INPP5A: variants seen among roughly 807,000 people sequenced by gnomAD.
The protein encoded by INPP5A is 43 kDa inositol polyphosphate 5-phophatase.
Under a neutral mutation model 65.2 loss-of-function variants are expected in INPP5A, and 14 were observed. The observed-to-expected ratio is 0.21, with a 90% CI of 0.14 to 0.34. INPP5A has a LOEUF of 0.34. INPP5A is among the 10% of genes least tolerant of loss of function. The pLI is 1.00. For missense variants in INPP5A, 431 were observed against 545.6 expected (o/e 0.79, Z 2.09); for synonymous variants, 207 against 208.3 (o/e 0.99, Z 0.05).
intron 1 of INPP5A, among the ~76,000 whole-genome samples, chr10:132,541,602 T>C (rs534274912): frequency 2.3e-4 from 35 of 152,326 alleles, no homozygotes; most frequent in Admixed American, 2.0e-3. Flanking sequence ...TATTGGGAGC[T>C]GAGACTGCAT....
chr10:132,775,968 G>A (rs895236121), intron 12 of INPP5A, among the ~76,000 whole-genome samples: 8 of 152,094 alleles, frequency 5.3e-5, no homozygotes, highest in Admixed American at 2.6e-4. Context: ...TGTGTCCGGG[G>A]GGCAGTGGAC....
At chr10:132,680,901 C>G (rs951471106) in intron 4 of INPP5A, among the ~76,000 whole-genome samples, 7 of 152,246 alleles carry the variant, frequency 4.6e-5, no homozygotes, top group Non-Finnish European at 1.0e-4. Context: ...GGGCAGGGCT[C>G]GGGACCTGCA....
intron 4 of INPP5A, among the ~76,000 whole-genome samples, chr10:132,687,268 CTG>C (rs1845151762): frequency 6.6e-6 from 1 of 152,236 alleles, no homozygotes; most frequent in South Asian, 2.1e-4. Context: ...TTAAGACCTG[CTG>C]TAAAGGTGGC....
chr10:132,651,457 C>T lies in INPP5A; in HGVS notation c.306+952C>T, dbSNP rs2072575538. Among the ~76,000 whole-genome samples the T allele has an allele frequency of 6.8e-6, 1 of 146,138 alleles. No homozygotes were observed. The highest frequency in any genetic ancestry group is 1.5e-5 in the Non-Finnish European group (1 of 65,888). ...CCGTCTCTGGGGAGGCCCTGGGTCC[C>T]CCGGCTTGGGTCCATCTCCCCCATC... On this transcript the variant is annotated intron_variant, in intron 4 of 15. Transcript: ENST00000368594. The surrounding 1 kb of genome is among the most constrained non-coding windows in gnomAD (Gnocchi z 5.0).
In INPP5A at chr10:132,545,822, T is replaced by G. The variant is rs952546574; in HGVS notation, c.75+7651T>G. ...GATCTGGCGTTTTCCAAGCTCCCCCTGCTTTGTGGAGCTCTGAGCGCTGGC... is the reference window on the plus strand; with the variant it reads ...GATCTGGCGTTTTCCAAGCTCCCCCGGCTTTGTGGAGCTCTGAGCGCTGGC... On this transcript the variant is annotated intron_variant, in intron 1 of 15. Transcript: ENST00000368594. The surrounding 1 kb of genome is among the most constrained non-coding windows in gnomAD (Gnocchi z 4.6). Among the ~76,000 whole-genome samples the G allele has an allele frequency of 2.0e-5, 3 of 152,230 alleles. No individual in the cohort carries two copies. Among genetic ancestry groups the G allele is most frequent in the Non-Finnish European group, 4.4e-5 (3 of 68,038 alleles).
intron 9 of INPP5A, among the ~76,000 whole-genome samples, chr10:132,738,272 G>A (rs1419431590): frequency 3.3e-5 from 5 of 152,320 alleles, no homozygotes; most frequent in East Asian, 3.9e-4. Flanking sequence ...TGGAGACCCC[G>A]GACACTGTGT....
At chr10:132,589,718 A>T (rs1356471169) in intron 1 of INPP5A, among the ~76,000 whole-genome samples, 1 of 152,246 alleles carries the variant, frequency 6.6e-6, no homozygotes, top group Non-Finnish European at 1.5e-5. Flanking sequence ...CTGTCCTCCC[A>T]AACGGTGTTG....
intron 4 of INPP5A, among the ~76,000 whole-genome samples, chr10:132,662,757 GCT>G (rs1231034661): frequency 2.2e-4 from 33 of 152,078 alleles, no homozygotes; most frequent in South Asian, 6.2e-4. Flanking sequence ...CAGCCTGGCC[GCT>G]CTCTGCTCCC....
chr10:132,612,686 G>A (rs951688891), intron 2 of INPP5A, among the ~76,000 whole-genome samples: 7 of 152,218 alleles, frequency 4.6e-5, no homozygotes, highest in African/African-American at 1.7e-4. Context: ...GGCCGTGTGC[G>A]TGGCCCTCGG....
intron 1 of INPP5A, among the ~76,000 whole-genome samples, chr10:132,548,687 A>G (rs545928411): frequency 4.6e-5 from 7 of 152,104 alleles, no homozygotes; most frequent in Non-Finnish European, 1.0e-4. Flanking sequence ...CTGTATCGTG[A>G]ACCACAGGCT....
intron 4 of INPP5A, among the ~76,000 whole-genome samples, chr10:132,668,724 G>A (rs1232560670): frequency 6.6e-6 from 1 of 152,140 alleles, no homozygotes; most frequent in Non-Finnish European, 1.5e-5. Context: ...TCTTCCGTAG[G>A]ATTTAAAAGC....
intron 4 of INPP5A, among the ~76,000 whole-genome samples, chr10:132,683,578 C>T (rs1041922210): frequency 2.6e-5 from 4 of 152,220 alleles, no homozygotes; most frequent in Non-Finnish European, 4.4e-5. Flanking sequence ...TACCCATGTA[C>T]CTGGATGCTT....
chr10:132,589,287 C>T (rs369038268), intron 1 of INPP5A, among the ~76,000 whole-genome samples: 12 of 152,346 alleles, frequency 7.9e-5, no homozygotes, highest in Middle Eastern at 3.4e-3. Context: ...GGGCCACGTG[C>T]GCATGCGGGC....
At chr10:132,764,700 T>C (rs1359592818) in intron 11 of INPP5A, among the ~76,000 whole-genome samples, 1 of 82,682 alleles carries the variant, frequency 1.2e-5, no homozygotes, top group African/African-American at 4.9e-5. Context: ...TCAGTCCTGC[T>C]GTGGTGGGAG....
chr10:132,726,948 C>G (rs1845996600), intron 9 of INPP5A, 43 bp downstream of exon 9: 2 of 1,433,178 alleles, frequency 1.4e-6, no homozygotes, highest in East Asian at 2.3e-5. Flanking sequence ...ATGCCTTGCT[C>G]TGTGTTGAGG....
chr10:132,743,476 G>A (rs937762769), intron 9 of INPP5A, among the ~76,000 whole-genome samples: 8 of 152,038 alleles, frequency 5.3e-5, no homozygotes, highest in African/African-American at 1.7e-4. Context: ...GAGTGAGGGC[G>A]AGCCCCTTGC....
At chr10:132,749,076 A>G (rs538913680) in intron 9 of INPP5A, among the ~76,000 whole-genome samples, 1 of 152,354 alleles carries the variant, frequency 6.6e-6, no homozygotes, top group African/African-American at 2.4e-5. Flanking sequence ...TTCCCGGTCA[A>G]GCCGCCTGCA....
chr10:132,562,288 AG>A (rs2071216034), intron 1 of INPP5A, among the ~76,000 whole-genome samples: 1 of 152,208 alleles, frequency 6.6e-6, no homozygotes, highest in South Asian at 2.1e-4. Flanking sequence ...GGAACCTGGG[AG>A]GCACCTTCTG....
At chr10:132,740,287 T>A (rs901192549) in intron 9 of INPP5A, among the ~76,000 whole-genome samples, 1 of 152,162 alleles carries the variant, frequency 6.6e-6, no homozygotes, top group Non-Finnish European at 1.5e-5. Flanking sequence ...GGCTCCATAG[T>A]TTTCTGAACT....
Sources: allele counts gnomAD v4.1 joint callset (sites outside exome capture counted in the v4.1 genomes callset), GRCh38; gene constraint gnomAD v4.1.1; non-coding constraint Gnocchi (gnomAD v3.1); transcripts MANE v1.5; gene names NCBI Gene and HGNC (gene_info 2026-07-23, HGNC 2026-07-21).